Variants in ADGRL3 observed in about 807,000 individuals in gnomAD.
ADGRL3 encodes the protein adhesion G protein-coupled receptor L3, also known as calcium-independent alpha-latrotoxin receptor 3.
ADGRL3 carries 62 observed loss-of-function variants against 153.5 expected under a neutral mutation model. The ratio of observed to expected loss-of-function variants is 0.40; its 90% CI spans 0.33 to 0.50. The LOEUF (loss-of-function observed/expected upper bound fraction) is 0.50. Ranked by LOEUF, ADGRL3 falls within the 20% of genes least tolerant of loss-of-function variation. ADGRL3 has a pLI of 0.47. For synonymous variants in ADGRL3, 710 were observed against 672.5 expected (o/e 1.06, Z -0.86); for missense variants, 1,641 against 1,859.4 (o/e 0.88, Z 2.16).
intron 15 of ADGRL3, 56 bp from the exon 16 acceptor site, chr4:61,946,858 G>GTACT (rs1361510013): frequency 1.5e-6 from 2 of 1,306,520 alleles, no homozygotes; most frequent in Non-Finnish European, 2.2e-6. Flanking sequence ...TATCTCATTA[G>GTACT]TACTAACTAA....
Position 61,444,320 on chromosome 4 carries a change from G to A in ADGRL3, c.-173-52801G>A, listed in dbSNP as rs932819213. Among the ~76,000 whole-genome samples the A allele has an allele frequency of 3.9e-5, 6 of 152,060 alleles. No homozygotes were observed. In the South Asian group the frequency reaches 6.2e-4, roughly 16 times the overall value. ...CTTGAATCCCAAGCCTTGTCTTCTTGCCAAACTTTTGGACTTGCCTGTAGA... is the reference window on the plus strand; with the variant it reads ...CTTGAATCCCAAGCCTTGTCTTCTTACCAAACTTTTGGACTTGCCTGTAGA... On this transcript the variant is annotated intron_variant, in intron 2 of 26. Coordinates refer to ENST00000683033, the MANE Select transcript of ADGRL3 (RefSeq NM_001387552.1).
chr4:62,067,614 G>C (rs1411864268), intron 25 of ADGRL3, among the ~76,000 whole-genome samples: 1 of 151,826 alleles, frequency 6.6e-6, no homozygotes, highest in Non-Finnish European at 1.5e-5. Flanking sequence ...ATGTATAATA[G>C]AGAAATAACT....
intron 2 of ADGRL3, among the ~76,000 whole-genome samples, chr4:61,408,514 C>T (rs897924427): frequency 6.6e-6 from 1 of 151,712 alleles, no homozygotes; most frequent in African/African-American, 2.4e-5. Flanking sequence ...GAATAGATTT[C>T]CTTAAGCCCT....
chr4:61,415,489 C>T (rs572387271), intron 2 of ADGRL3, among the ~76,000 whole-genome samples: 111 of 152,054 alleles, frequency 7.3e-4, no homozygotes, highest in African/African-American at 2.5e-3. Context: ...ATTTATTACA[C>T]GAAAGCAACA....
intron 8 of ADGRL3, among the ~76,000 whole-genome samples, chr4:61,806,211 A>G (rs1194256315): frequency 2.6e-5 from 4 of 152,246 alleles, no homozygotes; most frequent in Non-Finnish European, 5.9e-5. Flanking sequence ...GTTAGTCATC[A>G]CTGAATGTTT....
chr4:61,787,963 A>C (rs2097297195), intron 8 of ADGRL3, among the ~76,000 whole-genome samples: 1 of 152,204 alleles, frequency 6.6e-6, no homozygotes, highest in Non-Finnish European at 1.5e-5. Context: ...AATAAGGTTA[A>C]GAATGCTACT....
intron 2 of ADGRL3, among the ~76,000 whole-genome samples, chr4:61,495,951 A>T (rs2098311117): frequency 6.6e-6 from 1 of 152,240 alleles, no homozygotes; most frequent in Non-Finnish European, 1.5e-5. Context: ...CAAGCTATTT[A>T]GAATAACATA....
At chr4:62,068,528 C>T (rs759398053) in intron 26 of ADGRL3, among the ~76,000 whole-genome samples, 24 of 151,920 alleles carry the variant, frequency 1.6e-4, no homozygotes, top group Non-Finnish European at 3.1e-4. Context: ...GCAACATATC[C>T]ACTTTATTTT....
chr4:61,279,491 G>A (rs969792925), intron 1 of ADGRL3, among the ~76,000 whole-genome samples: 4 of 152,072 alleles, frequency 2.6e-5, no homozygotes, highest in Admixed American at 1.3e-4. Flanking sequence ...GTCAAGGGAA[G>A]CATCTTTAAA....
At chr4:61,549,690 A>G (rs968218202) in intron 4 of ADGRL3, among the ~76,000 whole-genome samples, 36 of 152,096 alleles carry the variant, frequency 2.4e-4, no homozygotes, top group Admixed American at 2.3e-3. Flanking sequence ...TTACCGTAAG[A>G]TTCAGGTCCC....
intron 13 of ADGRL3, among the ~76,000 whole-genome samples, chr4:61,928,815 G>T (rs1421549953): frequency 6.6e-6 from 1 of 151,816 alleles, no homozygotes; most frequent in Non-Finnish European, 1.5e-5. Flanking sequence ...AAAAATTAAA[G>T]AAATAAAAAA....
chr4:61,691,799 T>G (rs1419086937), intron 6 of ADGRL3, among the ~76,000 whole-genome samples: 1 of 152,168 alleles, frequency 6.6e-6, no homozygotes, highest in African/African-American at 2.4e-5. Context: ...GTTAAAATTA[T>G]GACATTGACT....
intron 6 of ADGRL3, among the ~76,000 whole-genome samples, chr4:61,678,629 C>T (rs2095265182): frequency 6.6e-6 from 1 of 151,878 alleles, no homozygotes; most frequent in African/African-American, 2.4e-5. Context: ...AATTTGGTTC[C>T]TTAATGTCCT....
chr4:61,826,124 TA>T (rs141160529), intron 9 of ADGRL3, among the ~76,000 whole-genome samples: 34,312 of 151,992 alleles, frequency 0.23, 5,073 homozygotes, highest in Non-Finnish European at 0.33. Flanking sequence ...ATTTGGACAA[TA>T]AAAAAATTAT....
intron 1 of ADGRL3, among the ~76,000 whole-genome samples, chr4:61,325,099 G>A (rs1462903981): frequency 6.6e-6 from 1 of 152,134 alleles, no homozygotes; most frequent in Admixed American, 6.6e-5. Context: ...GAATCACGAG[G>A]TCAGGAGATC....
intron 1 of ADGRL3, among the ~76,000 whole-genome samples, chr4:61,299,465 G>C (rs1421854578): frequency 2.0e-5 from 3 of 152,128 alleles, no homozygotes; most frequent in Admixed American, 2.0e-4. Context: ...TGTAAATGCT[G>C]ACTCAGATTA....
At chr4:61,586,836 A>G (rs1497904) in intron 4 of ADGRL3, among the ~76,000 whole-genome samples, 8,154 of 152,122 alleles carry the variant, frequency 0.054, 673 homozygotes, top group African/African-American at 0.18. Context: ...CAATTTTTCA[A>G]TGATGATTTT....
intron 9 of ADGRL3, among the ~76,000 whole-genome samples, chr4:61,842,786 T>G (rs935621839): frequency 1.3e-5 from 2 of 152,208 alleles, no homozygotes; most frequent in African/African-American, 4.8e-5. Context: ...TTGCTGTTTT[T>G]GGTGGATGAT....
At chr4:61,840,740 C>T (rs2098017794) in intron 9 of ADGRL3, among the ~76,000 whole-genome samples, 1 of 152,056 alleles carries the variant, frequency 6.6e-6, no homozygotes, top group Admixed American at 6.6e-5. Context: ...GAATAGGTAG[C>T]CTATGTTCAT....
Sources: gnomAD v4.1 joint callset for allele counts (sites outside exome capture counted in the v4.1 genomes callset) on GRCh38, gnomAD v4.1.1 for gene constraint, MANE v1.5 for transcripts, NCBI Gene and HGNC (gene_info 2026-07-23, HGNC 2026-07-21) for gene names.